The following NEB variants were observed in gnomAD, a reference collection of about 807,000 sequenced individuals.
The protein encoded by NEB is nemaline myopathy type 2.
A neutral mutation model predicts 952.2 loss-of-function variants in NEB; 512 were observed. That is an observed-to-expected ratio of 0.54 (90% confidence interval 0.50 to 0.58). The LOEUF is 0.58. Among genes scored for constraint, NEB ranks in the 20% least tolerant of loss-of-function variants. The pLI is 0.00. For missense variants in NEB, 8,428 were observed against 9,231.1 expected (o/e 0.91, Z 3.56); for synonymous variants, 2,900 against 3,149.8 (o/e 0.92, Z 2.66).
chr2:151,500,787 T>G (rs1460125057), intron 168 of NEB, among the ~76,000 whole-genome samples: 8 of 152,052 alleles, frequency 5.3e-5, no homozygotes. Flanking sequence ...TTAGCAGAGA[T>G]GGAATTTCAC....
intron 145 of NEB, 33 bp downstream of exon 145, chr2:151,530,961 T>G: frequency 7.0e-7 from 1 of 1,436,118 alleles, no homozygotes; most frequent in East Asian, 2.3e-5. Context: ...GAGGCCAAGA[T>G]GAGAGGGACT....
intron 65 of NEB, among the ~76,000 whole-genome samples, chr2:151,632,581 C>A (rs2098690400): frequency 6.7e-6 from 1 of 149,352 alleles, no homozygotes; most frequent in African/African-American, 2.5e-5. Context: ...GAGGCTGAAG[C>A]ATGAGAATCA....
chr2:151,682,205 G>A (rs1250403388), intron 29 of NEB, among the ~76,000 whole-genome samples: 1 of 152,182 alleles, frequency 6.6e-6, no homozygotes, highest in African/African-American at 2.4e-5. Context: ...GGCTGAAGAT[G>A]AGAGCTGAAA....
chr2:151,686,972 C>CT, intron 27 of NEB, among the ~76,000 whole-genome samples: 1 of 152,156 alleles, frequency 6.6e-6, no homozygotes, highest in South Asian at 2.1e-4. Context: ...TCAATGGAGT[C>CT]TTTTTCTTGG....
intron 114 of NEB, among the ~76,000 whole-genome samples, 199 bp from the exon 115 acceptor site, chr2:151,566,019 A>C (rs1451345166): frequency 1.3e-5 from 2 of 152,216 alleles, no homozygotes; most frequent in Admixed American, 6.5e-5. Flanking sequence ...TGTTTTGATG[A>C]ATAAGTATAA....
chr2:151,567,096 T>A lies in NEB; in HGVS notation c.18156+72A>T, dbSNP rs1011781753. On this transcript the variant is annotated intron_variant, in intron 114 of 181. Coordinates refer to ENST00000397345, the MANE Select transcript of NEB (RefSeq NM_001164508.2). ...GCCTCAAATTTCAAGCACTTGTGGA[T>A]CTGGGATGTTGCTCATCATTCTCAG... 3.0e-6 allele frequency: 4 copies of A among 1,317,226 alleles called. No individual in the cohort carries two copies. The African/African-American group carries it at 5.9e-5, about 19-fold the overall frequency. The allele number at this position is 1,317,226 out of a possible 1,614,324, so 81.6% of individuals were successfully genotyped here.
At position 151,685,660 on chromosome 2, in the gene NEB, G is replaced by A. The variant is rs534757980; in HGVS notation, c.2638-685C>T. On this transcript the variant is annotated intron_variant, in intron 27 of 181. Coordinates refer to ENST00000397345, the MANE Select transcript of NEB (RefSeq NM_001164508.2). Reference sequence around the variant, plus strand: ...ACAGCATTATAAACCAAATGTCCTGGCTGGGCCTCAAGGACTCCCTTCATT... The same window carrying A: ...ACAGCATTATAAACCAAATGTCCTGACTGGGCCTCAAGGACTCCCTTCATT... Among the ~76,000 whole-genome samples the A allele has an allele frequency of 1.2e-3, 186 of 152,272 alleles. 2 individuals carry two copies. The highest frequency in any genetic ancestry group is 3.9e-3 in the African/African-American group (164 of 41,546).
intron 54 of NEB, among the ~76,000 whole-genome samples, chr2:151,649,958 A>G (rs2099012423): frequency 6.6e-6 from 1 of 152,226 alleles, no homozygotes; most frequent in Non-Finnish European, 1.5e-5. Flanking sequence ...TGGTTAAATA[A>G]TAAATAAGCT....
At chr2:151,613,883 G>A (rs891879533) in intron 77 of NEB, among the ~76,000 whole-genome samples, 2 of 152,186 alleles carry the variant, frequency 1.3e-5, no homozygotes, top group Non-Finnish European at 2.9e-5. Context: ...CCATGGAAAT[G>A]TAAGTCAATT....
At chr2:151,636,067 A>G (rs923253185) in intron 64 of NEB, among the ~76,000 whole-genome samples, 160 bp downstream of exon 64, 3 of 152,192 alleles carry the variant, frequency 2.0e-5, no homozygotes, top group African/African-American at 7.2e-5. Flanking sequence ...TATAAACATC[A>G]AGATTTTCAT....
At chr2:151,520,865 C>T (rs1344783474) in intron 153 of NEB, among the ~76,000 whole-genome samples, 1 of 151,846 alleles carries the variant, frequency 6.6e-6, no homozygotes, top group Non-Finnish European at 1.5e-5. Flanking sequence ...CCCTGTCTCA[C>T]AAAATAAATA....
In NEB at chr2:151,709,676, C is replaced by T. The variant is rs762993577; in HGVS notation, c.1015G>A (p.Ala339Thr). 8 of 1,598,928 alleles carry T rather than the reference C, an allele frequency of 5.0e-6. No homozygotes were observed. The East Asian group carries it at 1.8e-4, about 36-fold the overall frequency. Reference sequence around the variant, plus strand: ...CATACCTTGCTAGCTGCCACACCAGCTTTTTTATTCATTTTATACTCTGGT... The same window carrying T: ...CATACCTTGCTAGCTGCCACACCAGTTTTTTTATTCATTTTATACTCTGGT... Reference protein sequence around the residue: ...ETPEYKMNKKAGVAASKVKYK... With the variant: ...ETPEYKMNKKTGVAASKVKYK... The change falls in exon 12 of 182, where the codon GCT becomes ACT. Residue 339 changes from alanine to threonine, a missense_variant. Around this residue, in one of 11 missense-constraint regions of NEB, gnomAD observed 2,851 missense variants for 2,791.5 expected, o/e 1.02. Transcript: ENST00000397345.
chr2:151,679,672 A>ACCCCCCC, intron 32 of NEB, 49 bp downstream of exon 32: 1 of 335,286 alleles, frequency 3.0e-6, no homozygotes, highest in Non-Finnish European at 6.0e-6. Context: ...CCCCAAGCCC[A>ACCCCCCC]CCCACCCACA....
At chr2:151,630,265 A>G (rs942012621) in intron 67 of NEB, among the ~76,000 whole-genome samples, 2 of 152,192 alleles carry the variant, frequency 1.3e-5, no homozygotes, top group East Asian at 1.9e-4. Flanking sequence ...TTGATAGAGA[A>G]CACTTCTTCC....
At chr2:151,573,065 A>G (rs765973513) in intron 107 of NEB, among the ~76,000 whole-genome samples, 1 of 152,220 alleles carries the variant, frequency 6.6e-6, no homozygotes, top group Admixed American at 6.5e-5. Context: ...TTTGTTACCC[A>G]TAAAATCACA....
intron 161 of NEB, among the ~76,000 whole-genome samples, chr2:151,511,709 AG>A (rs936053695): frequency 6.6e-6 from 1 of 152,198 alleles, no homozygotes; most frequent in African/African-American, 2.4e-5. Context: ...GGCCTATCCC[AG>A]GGTGTGAAGG....
intron 178 of NEB, 116 bp downstream of exon 178, chr2:151,491,982 C>T: frequency 8.4e-7 from 1 of 1,185,882 alleles, no homozygotes; most frequent in South Asian, 1.5e-5. Context: ...TTTCTTGCAC[C>T]TCTAGAAAAA....
Position 151,571,077 on chromosome 2 carries a change from C to T in NEB, c.17014-476G>A, listed in dbSNP as rs113481305. Among the ~76,000 whole-genome samples, 604 of 152,264 alleles carry T rather than the reference C, an allele frequency of 4.0e-3. 5 individuals are homozygous for T. Among genetic ancestry groups the T allele is most frequent in the African/African-American group, 0.014 (563 of 41,534 alleles). On this transcript the variant is annotated intron_variant, in intron 107 of 181. Transcript: ENST00000397345. ...CTGGAGGGCAATGGCACCATCTCGG[C>T]TCACCCCAAACTCTGCCTCCCAGGC... is the stretch of plus-strand genomic sequence containing the variant.
chr2:151,627,355 A>T, intron 69 of NEB, 150 bp from the exon 70 acceptor site: 1 of 1,371,266 alleles, frequency 7.3e-7, no homozygotes, highest in South Asian at 1.5e-5. Context: ...AGTCTCAGGT[A>T]TTACTTTCTT....
Sources: allele counts gnomAD v4.1 joint callset (sites outside exome capture counted in the v4.1 genomes callset), GRCh38; gene constraint gnomAD v4.1.1; regional missense constraint gnomAD v4.1.1; transcripts MANE v1.5; gene names NCBI Gene and HGNC (gene_info 2026-07-23, HGNC 2026-07-21).